Variants in TM4SF4 observed in about 807,000 individuals in gnomAD.
TM4SF4 encodes transmembrane 4 L6 family member 4.
TM4SF4 carries 24 observed loss-of-function variants against 24.1 expected under a neutral mutation model. The ratio of observed to expected loss-of-function variants is 1.00; its 90% CI spans 0.72 to 1.40. The LOEUF is 1.40. TM4SF4 is among the 40% of genes most tolerant of loss of function. TM4SF4 has a pLI of 0.00. For missense variants in TM4SF4, 254 were observed against 254.2 expected (o/e 1.00, Z 0.01); for synonymous variants, 113 against 97.0 (o/e 1.17, Z -0.97).
In TM4SF4 at chr3:149,477,313, A is replaced by C. The variant is rs74815069; in HGVS notation, c.264+1401A>C. Among the ~76,000 whole-genome samples, 115 of 152,368 alleles carry C rather than the reference A, an allele frequency of 7.5e-4. No individual in the cohort carries two copies. In the East Asian group the frequency reaches 0.012, roughly 15 times the overall value. ...TAAGAGTTAGATATATTGATGAGGC[A>C]GAAATGAAGCATAGTAGAACTGGAA... On this transcript the variant is annotated intron_variant, in intron 2 of 4. Coordinates refer to ENST00000305354, the MANE Select transcript of TM4SF4 (RefSeq NM_004617.4).
chr3:149,484,459 C>T (rs1734083814), intron 2 of TM4SF4, among the ~76,000 whole-genome samples: 1 of 152,200 alleles, frequency 6.6e-6, no homozygotes, highest in Non-Finnish European at 1.5e-5. Context: ...TCTTGGCTCA[C>T]TGCAACCTCT....
chr3:149,501,679 T>C (rs1030441475), intron 4 of TM4SF4, among the ~76,000 whole-genome samples: 1 of 152,226 alleles, frequency 6.6e-6, no homozygotes, highest in Non-Finnish European at 1.5e-5. Context: ...AGACTTGGGC[T>C]CTCAGCCTAG....
chr3:149,487,747 C>T lies in TM4SF4; in HGVS notation c.393C>T (p.Phe131=), dbSNP rs1223782578. ...CCAATAGTACATGGGGCTACCCCTT[C>T]CACGACGGGTAAGGCCACACCCTGC... is the stretch of plus-strand genomic sequence containing the variant. ...LMANSTWGYP[F]HDGDYLNDEA... is the part of the protein sequence containing the mutation. Residue 131 remains phenylalanine, a synonymous_variant, in exon 3 of 5, where the codon TTC becomes TTT. Coordinates refer to ENST00000305354, the MANE Select transcript of TM4SF4 (RefSeq NM_004617.4). The T allele has an allele frequency of 6.2e-7, 1 of 1,613,950 alleles. No homozygotes were observed. The highest frequency in any genetic ancestry group is 2.2e-5 in the East Asian group (1 of 44,880).
intron 2 of TM4SF4, among the ~76,000 whole-genome samples, chr3:149,478,029 G>A (rs935131444): frequency 6.6e-6 from 1 of 152,082 alleles, no homozygotes; most frequent in African/African-American, 2.4e-5. Context: ...TTGTTTTTAG[G>A]TTTACATATA....
chr3:149,478,468 A>G (rs1733974939), intron 2 of TM4SF4, among the ~76,000 whole-genome samples: 1 of 152,132 alleles, frequency 6.6e-6, no homozygotes, highest in South Asian at 2.1e-4. Context: ...TTTTATAAGC[A>G]CATTTCATTA....
chr3:149,490,453 A>C (rs888679147), intron 3 of TM4SF4, among the ~76,000 whole-genome samples: 1 of 152,236 alleles, frequency 6.6e-6, no homozygotes, highest in Admixed American at 6.5e-5. Context: ...GAGATTGTTT[A>C]ACTCTCCTTC....
chr3:149,489,434 T>C (rs1278239127), intron 3 of TM4SF4, among the ~76,000 whole-genome samples: 1 of 152,232 alleles, frequency 6.6e-6, no homozygotes, highest in African/African-American at 2.4e-5. Flanking sequence ...AATAAATCTA[T>C]GTCCAAAACA....
rs148781596 is a variant in TM4SF4, at chr3:149,496,717, G to A, written c.402-2005G>A. 8.1e-3 allele frequency among the ~76,000 whole-genome samples: 1,226 copies of A among 152,220 alleles called. 22 individuals are homozygous for A. Among genetic ancestry groups the A allele is most frequent in the African/African-American group, 0.028 (1,159 of 41,528 alleles). On this transcript the variant is annotated intron_variant, in intron 3 of 4. Transcript: ENST00000305354. ...CGGGAGGCACAGGTTGCAGTGAGCC[G>A]AGATTGTGCCATTGCACTCCAGCCT...
intron 4 of TM4SF4, among the ~76,000 whole-genome samples, chr3:149,499,946 A>G (rs1734387186): frequency 6.6e-6 from 1 of 152,228 alleles, no homozygotes; most frequent in South Asian, 2.1e-4. Context: ...CTAAATATGT[A>G]CATGTATACA....
In TM4SF4 at chr3:149,475,852, C is replaced by T. The variant is rs371297562; in HGVS notation, c.204C>T (p.Gly68=). 1 of 1,612,758 alleles carries T rather than the reference C, an allele frequency of 6.2e-7. No homozygotes were observed. The highest frequency in any genetic ancestry group is 8.5e-7 in the Non-Finnish European group (1 of 1,179,484). ...TCTTCCCTGCGCTGGTGTTCTTGGG[C>T]CTGAAGAACAATGACTGCTGTGGGT... ...LMIFPALVFL[G]LKNNDCCGCC... Residue 68 remains glycine (G), a synonymous_variant, in exon 2 of 5, where the codon GGC becomes GGT. Transcript: ENST00000305354.
chr3:149,495,967 C>A, intron 3 of TM4SF4: 1 of 272,544 alleles, frequency 3.7e-6, no homozygotes, highest in South Asian at 5.4e-5. Flanking sequence ...GAAGGCTTGG[C>A]AAGGTCACCA....
Position 149,502,951 on chromosome 3 carries a change from G to T in TM4SF4, c.*258G>T. 2.5e-6 allele frequency: 1 copy of T among 400,376 alleles called. No individual in the cohort carries two copies. Among genetic ancestry groups the T allele is most frequent in the Middle Eastern group, 6.7e-4 (1 of 1,486 alleles). The allele number at this position is 400,376 out of a possible 1,614,324, so 24.8% of individuals were successfully genotyped here. A position where few individuals can be genotyped will look rare whatever the true frequency, so the allele number is the denominator to read the frequency against. On this transcript the variant is annotated 3_prime_UTR_variant, in exon 5 of 5. Transcript: ENST00000305354. ...GTTCCTTTTTAGAATTTACCAACAGGTTCAAAGCATACTTTTCATGATTTT... is the reference window on the plus strand; with the variant it reads ...GTTCCTTTTTAGAATTTACCAACAGTTTCAAAGCATACTTTTCATGATTTT...
Position 149,487,671 on chromosome 3 carries a change from C to A in TM4SF4, c.317C>A (p.Ser106Ter). 1.2e-6 allele frequency: 2 copies of A among 1,613,986 alleles called. No individual in the cohort carries two copies. The highest frequency in any genetic ancestry group is 1.7e-6 in the Non-Finnish European group (2 of 1,179,880). Residue 106 changes from serine to a stop codon, truncating the protein, a stop_gained, in exon 3 of 5, where the codon TCG becomes TAG. Transcript: ENST00000305354. LOFTEE classifies it high-confidence loss of function. ...AVVGFLGAGYSFIISAISINK... is the reference protein window; with the variant it reads ...AVVGFLGAGY The stretch of plus-strand genomic sequence containing the variant: ...GTTGGATTCTTGGGAGCTGGATACT[C>A]GTTTATCATCTCAGCCATTTCAATC...
At chr3:149,487,488 C>T in intron 2 of TM4SF4, 131 bp from the exon 3 acceptor site, 1 of 1,058,500 alleles carries the variant, frequency 9.4e-7, no homozygotes, top group South Asian at 1.6e-5. Context: ...CAGGCCCCAT[C>T]TACTATAAAG....
At chr3:149,502,561 T>C (rs1286193377) in intron 4 of TM4SF4, 115 bp from the exon 5 acceptor site, 2 of 776,200 alleles carry the variant, frequency 2.6e-6, no homozygotes, top group South Asian at 2.8e-5. Flanking sequence ...AAACATTCAA[T>C]AGGCAACCAT....
chr3:149,482,952 C>T (rs552112271), intron 2 of TM4SF4, among the ~76,000 whole-genome samples: 1 of 152,150 alleles, frequency 6.6e-6, no homozygotes, highest in African/African-American at 2.4e-5. Context: ...GAGAATTTAT[C>T]ATTTTTAAGA....
In TM4SF4 at chr3:149,474,731, G is replaced by A. The variant is rs1733891905; in HGVS notation, c.-147G>A. On this transcript the variant is annotated 5_prime_UTR_variant, in exon 1 of 5. Coordinates refer to ENST00000305354, the MANE Select transcript of TM4SF4 (RefSeq NM_004617.4). ...AAGCTGAAGCAACTCCAAGGACACAGTTCACAGAAATTTGGTTCTCAGCCC... is the reference window on the plus strand; with the variant it reads ...AAGCTGAAGCAACTCCAAGGACACAATTCACAGAAATTTGGTTCTCAGCCC... The A allele has an allele frequency of 1.3e-6, 1 of 745,526 alleles. No individual in the cohort carries two copies. The highest frequency in any genetic ancestry group is 2.1e-6 in the Non-Finnish European group (1 of 476,258). 46.2% of individuals were successfully genotyped at this position (745,526 alleles called of 1,614,324 possible).
chr3:149,474,806 A>AC lies in TM4SF4; in HGVS notation c.-69dup. 6.7e-7 allele frequency: 1 copy of AC among 1,486,866 alleles called. No homozygotes were observed. The allele number at this position is 1,486,866 out of a possible 1,614,324, so 92.1% of individuals were successfully genotyped here. ...AATTACAAGGACTCTCTGGCCAAAAACCCTTGAAGAGGCCCCGTGAAGGAG... is the reference window on the plus strand; with the variant it reads ...AATTACAAGGACTCTCTGGCCAAAAACCCCTTGAAGAGGCCCCGTGAAGGAG... On this transcript the variant is annotated 5_prime_UTR_variant, in exon 1 of 5. Transcript: ENST00000305354.
At chr3:149,499,855 A>T (rs926408163) in intron 4 of TM4SF4, among the ~76,000 whole-genome samples, 1 of 152,212 alleles carries the variant, frequency 6.6e-6, no homozygotes, top group Non-Finnish European at 1.5e-5. Context: ...AGTCTGTGTG[A>T]CAGAGTGAGA....
Sources: allele counts gnomAD v4.1 joint callset (sites outside exome capture counted in the v4.1 genomes callset), GRCh38; gene constraint gnomAD v4.1.1; transcripts MANE v1.5; gene names NCBI Gene and HGNC (gene_info 2026-07-23, HGNC 2026-07-21).